The following FBN2 variants were observed in gnomAD, a reference collection of about 807,000 sequenced individuals.
The protein encoded by FBN2 is fibrillin-2.
In FBN2, 105 loss-of-function variants were observed where a neutral mutation model predicts 355.6. That is an observed-to-expected ratio of 0.30 (90% confidence interval 0.25 to 0.35). FBN2 has a LOEUF of 0.35. FBN2 is among the 10% of genes least tolerant of loss of function. The probability of loss-of-function intolerance (pLI) is 1.00; values close to 1 mark genes in which losing one functional copy is unlikely to be tolerated. For missense variants in FBN2, 3,280 were observed against 3,758.7 expected, an observed-to-expected ratio of 0.87 and a Z score of 3.33; for synonymous variants, 1,350 against 1,301.2, an observed-to-expected ratio of 1.04 and a Z score of -0.81.
At chr5:128,535,764 C>T (rs2112808227) in intron 2 of FBN2, among the ~76,000 whole-genome samples, 1 of 150,208 alleles carries the variant, frequency 6.7e-6, no homozygotes, top group South Asian at 2.1e-4. Flanking sequence ...ATCTACTGCA[C>T]ACTATTGAGG....
intron 11 of FBN2, among the ~76,000 whole-genome samples, chr5:128,390,648 C>T (rs1429166391): frequency 1.3e-5 from 2 of 152,160 alleles, no homozygotes; most frequent in Non-Finnish European, 2.9e-5. Flanking sequence ...GTGCCTGTCT[C>T]AAGGAAAAGT....
intron 5 of FBN2, among the ~76,000 whole-genome samples, chr5:128,488,943 T>C (rs898990896): frequency 9.9e-5 from 15 of 152,142 alleles, no homozygotes; most frequent in Non-Finnish European, 1.9e-4. Context: ...CTATTGTGAA[T>C]AGTGCCACAA....
intron 19 of FBN2, among the ~76,000 whole-genome samples, chr5:128,361,428 T>C (rs1269733851): frequency 1.3e-5 from 2 of 152,228 alleles, no homozygotes; most frequent in African/African-American, 4.8e-5. Flanking sequence ...TTTGACATTG[T>C]ATTTCAGCAA....
At position 128,533,587 on chromosome 5, in the gene FBN2, C is replaced by G. The variant is rs376866632; in HGVS notation, c.337+2815G>C. Among the ~76,000 whole-genome samples, 4 of 152,114 alleles carry G rather than the reference C, an allele frequency of 2.6e-5. No homozygotes were observed. The South Asian group carries it at 8.3e-4, about 31-fold the overall frequency. On this transcript the variant is annotated intron_variant, in intron 2 of 64. Coordinates refer to ENST00000262464, the MANE Select transcript of FBN2 (RefSeq NM_001999.4). ...GGCCAGGTAAAGAATACATAGTACC[C>G]AAAAGGTCTGAAGTTTAGTTGTCAC...
rs1444638165 is a variant in FBN2, at chr5:128,538,030, G to A, written c.-427C>T. ...GCGGATTCCCGTGCGCTCCGAAGAC[G>A]GATATTGGAAAGCTGCAAAAGTCAC... On this transcript the variant is annotated 5_prime_UTR_variant, in exon 1 of 65. Coordinates refer to ENST00000262464, the MANE Select transcript of FBN2 (RefSeq NM_001999.4). 4 of 198,522 alleles carry A rather than the reference G, an allele frequency of 2.0e-5. No homozygotes were observed. The highest frequency in any genetic ancestry group is 4.0e-5 in the Non-Finnish European group (4 of 98,800). The allele number at this position is 198,522 out of a possible 1,614,324, so 12.3% of individuals were successfully genotyped here. A position where few individuals can be genotyped will look rare whatever the true frequency, so the allele number is the denominator to read the frequency against.
intron 48 of FBN2, among the ~76,000 whole-genome samples, chr5:128,296,752 T>C (rs564099144): frequency 1.9e-4 from 29 of 152,288 alleles, no homozygotes; most frequent in Non-Finnish European, 2.8e-4. Context: ...GTCTTGCTAG[T>C]GGTCTATCAA....
At position 128,537,526 on chromosome 5, in the gene FBN2, C is replaced by T; in HGVS notation, c.78G>A (p.Thr26=). The T allele has an allele frequency of 5.7e-6, 9 of 1,580,692 alleles. No homozygotes were observed. The highest frequency in any genetic ancestry group is 6.9e-6 in the Non-Finnish European group (8 of 1,166,302). The change falls in exon 1 of 65, where the codon ACG becomes ACA. Residue 26 remains threonine (T), a synonymous_variant. Transcript: ENST00000262464. ...GCGGAGGAGGCTGAGGCTGGCCGGC[C>T]GTGCCCTGCGCCCAGAGCACCACAC... ...LGCVVLWAQG[T]AGQPQPPPPK...
At chr5:128,444,906 T>C (rs953166485) in intron 7 of FBN2, among the ~76,000 whole-genome samples, 2 of 152,206 alleles carry the variant, frequency 1.3e-5, no homozygotes, top group Non-Finnish European at 2.9e-5. Context: ...ACATCTAGTT[T>C]AGATATTAGT....
chr5:128,536,633 A>G (rs1756854613), intron 1 of FBN2, 149 bp from the exon 2 acceptor site: 2 of 708,600 alleles, frequency 2.8e-6, no homozygotes. Flanking sequence ...ATCGGGAGGC[A>G]GACGTGGAAG....
intron 7 of FBN2, among the ~76,000 whole-genome samples, chr5:128,411,480 G>C (rs1753059672): frequency 6.6e-6 from 1 of 152,146 alleles, no homozygotes; most frequent in Admixed American, 6.5e-5. Flanking sequence ...CTGGAGTTTG[G>C]TCATCCCTAG....
chr5:128,423,693 CA>C (rs1054945239), intron 7 of FBN2, among the ~76,000 whole-genome samples: 2 of 152,104 alleles, frequency 1.3e-5, no homozygotes, highest in Admixed American at 1.3e-4. Context: ...GAGAGGTAAA[CA>C]GAATGATCAG....
At chr5:128,267,249 C>T (rs1382202323) in intron 62 of FBN2, among the ~76,000 whole-genome samples, 1 of 152,156 alleles carries the variant, frequency 6.6e-6, no homozygotes, top group African/African-American at 2.4e-5. Context: ...GGTTCCAAGA[C>T]TTTGCTATTG....
chr5:128,430,879 T>C (rs1052011678), intron 7 of FBN2, among the ~76,000 whole-genome samples: 1 of 151,252 alleles, frequency 6.6e-6, no homozygotes, highest in African/African-American at 2.4e-5. Flanking sequence ...AATAAATAAA[T>C]AAATAAATAA....
chr5:128,315,046 G>T (rs568548504), intron 36 of FBN2, among the ~76,000 whole-genome samples: 1 of 152,196 alleles, frequency 6.6e-6, no homozygotes, highest in African/African-American at 2.4e-5. Flanking sequence ...AGCCACAAAA[G>T]GAATTGTTGA....
At position 128,335,270 on chromosome 5, in the gene FBN2, A is replaced by G. The variant is rs146183629; in HGVS notation, c.3873T>C (p.Pro1291=). The change falls in exon 30 of 65, where the codon CCT becomes CCC. Residue 1291 remains proline, a synonymous_variant. Transcript: ENST00000262464. ...TACACTGGCCGCCATCACAGATATC[A>G]GGATTGTTTTCACATTCATCAATGT... is the stretch of plus-strand genomic sequence containing the variant. The part of the protein sequence containing the change: ...CADIDECENN[P]DICDGGQCTN... The G allele has an allele frequency of 6.2e-7, 1 of 1,614,172 alleles. No individual in the cohort carries two copies. The highest frequency in any genetic ancestry group is 2.2e-5 in the East Asian group (1 of 44,882).
intron 5 of FBN2, among the ~76,000 whole-genome samples, chr5:128,480,016 ATATATATG>A (rs1294415976): frequency 2.8e-3 from 193 of 70,038 alleles, no homozygotes; most frequent in Middle Eastern, 6.7e-3. Context: ...ATATATATAT[ATATATATG>A]TATATACACA....
At chr5:128,509,750 T>C (rs1254537304) in intron 5 of FBN2, among the ~76,000 whole-genome samples, 1 of 152,176 alleles carries the variant, frequency 6.6e-6, no homozygotes, top group Non-Finnish European at 1.5e-5. Flanking sequence ...CTGTTACTTT[T>C]AAAATTTATT....
chr5:128,308,593 G>C (rs550207656), intron 41 of FBN2, among the ~76,000 whole-genome samples: 4 of 152,180 alleles, frequency 2.6e-5, no homozygotes, highest in East Asian at 1.9e-4. Context: ...TCATAAAAGA[G>C]AGCCTGATGG....
chr5:128,498,756 A>C (rs1445065542), intron 5 of FBN2, among the ~76,000 whole-genome samples: 1 of 152,232 alleles, frequency 6.6e-6, no homozygotes, highest in Non-Finnish European at 1.5e-5. Context: ...GTACTTAAAA[A>C]GTGTGCAGGG....
Sources: allele counts gnomAD v4.1 joint callset (sites outside exome capture counted in the v4.1 genomes callset), GRCh38; gene constraint gnomAD v4.1.1; transcripts MANE v1.5; gene names NCBI Gene and HGNC (gene_info 2026-07-23, HGNC 2026-07-21).